CSMD3: variants seen among roughly 807,000 people sequenced by gnomAD.
CSMD3 encodes CUB and Sushi multiple domains 3, also known as CUB and sushi domain-containing protein 3.
A neutral mutation model predicts 435.2 loss-of-function variants in CSMD3; 177 were observed. That is an observed-to-expected ratio of 0.41 (90% CI 0.36 to 0.46). The LOEUF (loss-of-function observed/expected upper bound fraction) is 0.46. Ranked by LOEUF, CSMD3 falls within the 20% of genes least tolerant of loss-of-function variation. The probability of loss-of-function intolerance (pLI) is 0.34; values close to 1 mark genes in which losing one functional copy is unlikely to be tolerated. For synonymous variants in CSMD3, 1,656 were observed against 1,520.5 expected (o/e 1.09, Z -2.07); for missense variants, 4,265 against 4,504.6 (o/e 0.95, Z 1.52).
intron 69 of CSMD3, among the ~76,000 whole-genome samples, chr8:112,230,102 C>G (rs1294559389): frequency 6.6e-6 from 1 of 151,982 alleles, no homozygotes; most frequent in African/African-American, 2.4e-5. Flanking sequence ...CCAAGCTTGT[C>G]GACACATTTG....
At chr8:112,334,679 TAAAGA>T (rs1481790327) in intron 45 of CSMD3, among the ~76,000 whole-genome samples, 6 of 152,094 alleles carry the variant, frequency 3.9e-5, no homozygotes, top group South Asian at 4.1e-4. Flanking sequence ...AAAACAAAAA[TAAAGA>T]AGAGAAACAC....
In CSMD3 at chr8:112,281,254, T is replaced by C; in HGVS notation, c.9428A>G (p.Glu3143Gly). The C allele has an allele frequency of 6.2e-7, 1 of 1,613,300 alleles. No homozygotes were observed. Among genetic ancestry groups the C allele is most frequent in the South Asian group, 1.1e-5 (1 of 91,070 alleles). Reference sequence around the variant, plus strand: ...TGAAGGTCCAGAAAGGATGTATCCCTCCATGCAGGAATAAATGACTGAACT... The same window carrying C: ...TGAAGGTCCAGAAAGGATGTATCCCCCCATGCAGGAATAAATGACTGAACT... ...FSSSVIYSCM[E>G]GYILSGPSVR... is the part of the protein sequence containing the mutation. Residue 3143 changes from glutamate to glycine, a missense_variant, in exon 59 of 71, where the codon GAG becomes GGG. Glu to Gly is a moderately conservative substitution (Grantham distance 98). Around this residue, in one of 3 missense-constraint regions of CSMD3, gnomAD observed 3,255 missense variants for 3,380.2 expected, o/e 0.96. Transcript: ENST00000297405.
chr8:112,558,741 C>T (rs1828354702), intron 24 of CSMD3, among the ~76,000 whole-genome samples: 1 of 151,818 alleles, frequency 6.6e-6, no homozygotes, highest in Non-Finnish European at 1.5e-5. Context: ...TTTTGCATTA[C>T]TGATCAACAT....
At chr8:113,299,246 T>C (rs2093745214) in intron 2 of CSMD3, among the ~76,000 whole-genome samples, 1 of 152,226 alleles carries the variant, frequency 6.6e-6, no homozygotes, top group Non-Finnish European at 1.5e-5. Flanking sequence ...ATTTTTAATG[T>C]AGAATATTTA....
intron 5 of CSMD3, among the ~76,000 whole-genome samples, chr8:113,059,393 C>G (rs779373992): frequency 7.2e-5 from 11 of 152,038 alleles, no homozygotes; most frequent in Non-Finnish European, 1.5e-4. Context: ...TAACAGCTGC[C>G]CTGAAATTGT....
chr8:112,852,821 C>T, intron 11 of CSMD3, among the ~76,000 whole-genome samples: 1 of 151,956 alleles, frequency 6.6e-6, no homozygotes, highest in Non-Finnish European at 1.5e-5. Context: ...ACTTGGTAGG[C>T]TGAGGCAGGA....
intron 13 of CSMD3, among the ~76,000 whole-genome samples, chr8:112,731,047 C>T (rs1015211083): frequency 2.6e-5 from 4 of 152,028 alleles, no homozygotes; most frequent in South Asian, 4.1e-4. Flanking sequence ...TTTAGCTGTT[C>T]AGAGAATTTT....
At chr8:112,728,263 A>G (rs1587098236) in intron 13 of CSMD3, among the ~76,000 whole-genome samples, 2 of 151,972 alleles carry the variant, frequency 1.3e-5, no homozygotes, top group East Asian at 3.9e-4. Flanking sequence ...ATTGAACAAT[A>G]AAAACAGAGG....
At chr8:112,580,498 G>T (rs1041265351) in intron 23 of CSMD3, among the ~76,000 whole-genome samples, 1 of 148,664 alleles carries the variant, frequency 6.7e-6, no homozygotes, top group South Asian at 2.2e-4. Context: ...TCTATCTGGA[G>T]CCCAGAAAGG....
intron 45 of CSMD3, among the ~76,000 whole-genome samples, chr8:112,320,953 T>C (rs939805776): frequency 1.3e-4 from 20 of 152,252 alleles, no homozygotes; most frequent in African/African-American, 2.2e-4. Flanking sequence ...TTGGATTAGA[T>C]TGGCATTTGG....
chr8:113,120,980 T>C (rs2090969114), intron 4 of CSMD3, among the ~76,000 whole-genome samples: 1 of 152,124 alleles, frequency 6.6e-6, no homozygotes, highest in Non-Finnish European at 1.5e-5. Flanking sequence ...AAATGGTTAA[T>C]TTTAGCATCC....
intron 13 of CSMD3, among the ~76,000 whole-genome samples, chr8:112,717,605 A>T (rs1198289451): frequency 6.6e-6 from 1 of 152,210 alleles, no homozygotes; most frequent in African/African-American, 2.4e-5. Context: ...ATAAAGACAC[A>T]TGAACACCTA....
In CSMD3 at chr8:113,134,997, G is replaced by C. The variant is rs567812013; in HGVS notation, c.710-36034C>G. Among the ~76,000 whole-genome samples, 17 of 152,106 alleles carry C rather than the reference G, an allele frequency of 1.1e-4. 1 individual carries two copies. In the South Asian group the frequency reaches 3.1e-3, roughly 28 times the overall value. On this transcript the variant is annotated intron_variant, in intron 4 of 70. Transcript: ENST00000297405. ...CTAAGAAGCTAATCAATTACAATGA[G>C]ATCTAATCCAGTCTCATGAGAAAAA...
intron 16 of CSMD3, among the ~76,000 whole-genome samples, chr8:112,678,012 T>C (rs1261903685): frequency 6.6e-6 from 1 of 152,172 alleles, no homozygotes; most frequent in Non-Finnish European, 1.5e-5. Context: ...ATTTTTTGTA[T>C]TATTTATACT....
chr8:112,418,841 C>T (rs1261368530), intron 32 of CSMD3, among the ~76,000 whole-genome samples: 2 of 152,116 alleles, frequency 1.3e-5, no homozygotes, highest in Non-Finnish European at 2.9e-5. Context: ...GCTGAAATGA[C>T]TTCACAAGTG....
intron 5 of CSMD3, among the ~76,000 whole-genome samples, chr8:113,048,044 G>C (rs1476428429): frequency 6.6e-6 from 1 of 151,418 alleles, no homozygotes; most frequent in East Asian, 1.9e-4. Flanking sequence ...AGCCAATGTG[G>C]GACCATGTAC....
rs2130257942 is a variant in CSMD3 at position 112,254,291 on chromosome 8, G to A, written c.10072C>T (p.Pro3358Ser). Residue 3358 changes from proline to serine, a missense_variant, in exon 63 of 71, where the codon CCT becomes TCT. Around this residue, in one of 3 missense-constraint regions of CSMD3, gnomAD observed 3,255 missense variants for 3,380.2 expected, o/e 0.96. Coordinates refer to ENST00000297405, the MANE Select transcript of CSMD3 (RefSeq NM_198123.2). ...GTATTGTTCTGAGATCCATGCCGAGGCACACCTGGGTTTTCACAAGAGGTT... is the reference window on the plus strand; with the variant it reads ...GTATTGTTCTGAGATCCATGCCGAGACACACCTGGGTTTTCACAAGAGGTT... ...TQTSCENPGV[P>S]RHGSQNNTFG... 6.2e-7 allele frequency: 1 copy of A among 1,612,662 alleles called. No homozygotes were observed. Among genetic ancestry groups the A allele is most frequent in the Non-Finnish European group, 8.5e-7 (1 of 1,178,884 alleles).
At chr8:112,756,025 G>A in intron 13 of CSMD3, among the ~76,000 whole-genome samples, 1 of 151,866 alleles carries the variant, frequency 6.6e-6, no homozygotes, top group East Asian at 1.9e-4. Context: ...ACATATCCTG[G>A]TGGAATCTTT....
At chr8:112,867,768 A>G (rs957454264) in intron 10 of CSMD3, among the ~76,000 whole-genome samples, 3 of 152,166 alleles carry the variant, frequency 2.0e-5, no homozygotes, top group African/African-American at 7.2e-5. Context: ...AGTTTGCAGG[A>G]TTGGAAGTTG....
Sources: allele counts gnomAD v4.1 joint callset (sites outside exome capture counted in the v4.1 genomes callset), GRCh38; gene constraint gnomAD v4.1.1; regional missense constraint gnomAD v4.1.1; transcripts MANE v1.5; gene names NCBI Gene and HGNC (gene_info 2026-07-23, HGNC 2026-07-21).